Variants in ARID3B observed in about 807,000 individuals in gnomAD.
ARID3B encodes AT-rich interactive domain-containing protein 3B.
ARID3B carries 10 observed loss-of-function variants against 51.9 expected under a neutral mutation model. That is an observed-to-expected ratio of 0.19 (90% CI 0.12 to 0.33). The LOEUF (loss-of-function observed/expected upper bound fraction) is 0.33, where lower values mean the gene tolerates loss of function less well. Among genes scored for constraint, ARID3B ranks in the 10% least tolerant of loss-of-function variants. The pLI is 1.00. For missense variants in ARID3B, 483 were observed against 716.3 expected (o/e 0.67, Z 3.72); for synonymous variants, 205 against 279.5 (o/e 0.73, Z 2.66).
chr15:74,591,086 A>G lies in ARID3B; in HGVS notation c.882-65A>G. On this transcript the variant is annotated intron_variant, in intron 5 of 8. Coordinates refer to ENST00000346246, the MANE Select transcript of ARID3B (RefSeq NM_006465.4). The surrounding 1 kb of genome is among the most constrained non-coding windows in gnomAD (Gnocchi z 5.8). ...AGAGACTGCTTCCAGAGACCCACCA[A>G]CCTCAACTGGGTGGTCTCTGGTGCT... 6.6e-7 allele frequency: 1 copy of G among 1,526,014 alleles called. No homozygotes were observed. Among genetic ancestry groups the G allele is most frequent in the Non-Finnish European group, 8.8e-7 (1 of 1,134,118 alleles). The allele number at this position is 1,526,014 out of a possible 1,614,324, so 94.5% of individuals were successfully genotyped here. A position where few individuals can be genotyped will look rare whatever the true frequency, so the allele number is the denominator to read the frequency against.
intron 4 of ARID3B, among the ~76,000 whole-genome samples, chr15:74,576,722 G>A (rs1421124256): frequency 1.3e-5 from 2 of 152,168 alleles, no homozygotes; most frequent in African/African-American, 2.4e-5. Flanking sequence ...AGAGCAAGCC[G>A]TGTTAGGTAG....
intron 4 of ARID3B, among the ~76,000 whole-genome samples, chr15:74,583,198 T>TA (rs879449215): frequency 2.2e-4 from 32 of 145,972 alleles, no homozygotes; most frequent in South Asian, 6.5e-4. Context: ...AGACTCCACC[T>TA]AAAAAAAAAA....
At chr15:74,592,810 G>A (rs2061808762) in intron 7 of ARID3B, among the ~76,000 whole-genome samples, 1 of 152,226 alleles carries the variant, frequency 6.6e-6, no homozygotes, top group South Asian at 2.1e-4. Context: ...TCCTGGGCCT[G>A]GTGTATAGTG....
At chr15:74,555,002 C>T (rs2061652285) in intron 2 of ARID3B, among the ~76,000 whole-genome samples, 1 of 152,014 alleles carries the variant, frequency 6.6e-6, no homozygotes, top group African/African-American at 2.4e-5. Flanking sequence ...TGAATGTTCC[C>T]AGCACAAAGA....
At chr15:74,588,481 C>T (rs764530852) in intron 4 of ARID3B, among the ~76,000 whole-genome samples, 6 of 152,094 alleles carry the variant, frequency 3.9e-5, no homozygotes, top group South Asian at 4.2e-4. Flanking sequence ...GAGACCTCAG[C>T]GAGACTGGGG....
intron 4 of ARID3B, among the ~76,000 whole-genome samples, chr15:74,583,493 G>A (rs896997541): frequency 2.2e-4 from 34 of 152,044 alleles, no homozygotes; most frequent in African/African-American, 7.0e-4. Context: ...TGAGGCAGGC[G>A]GATCATCTGT....
At chr15:74,578,174 T>TTG (rs1245775951) in intron 4 of ARID3B, among the ~76,000 whole-genome samples, 4 of 150,534 alleles carry the variant, frequency 2.7e-5, no homozygotes, top group Non-Finnish European at 5.9e-5. Flanking sequence ...TTTTTGTTTT[T>TTG]TTTTGTTTTT....
In ARID3B at chr15:74,591,951, G is replaced by A; in HGVS notation, c.1420+137G>A. The A allele has an allele frequency of 3.6e-6, 5 of 1,378,570 alleles. No individual in the cohort carries two copies. Among genetic ancestry groups the A allele is most frequent in the Non-Finnish European group, 4.9e-6 (5 of 1,025,954 alleles). The allele number at this position is 1,378,570 out of a possible 1,614,324, so 85.4% of individuals were successfully genotyped here. A position where few individuals can be genotyped will look rare whatever the true frequency, so the allele number is the denominator to read the frequency against. ...GGCCCCTCCAGGTTCTGCCTTCCAG[G>A]CCCCTAGAAGAGAGGCACTGAGATC... On this transcript the variant is annotated intron_variant, in intron 7 of 8. Transcript: ENST00000346246. This position sits in a 1 kb window ranked among gnomAD's most constrained non-coding sequence, Gnocchi z 5.8.
intron 2 of ARID3B, among the ~76,000 whole-genome samples, chr15:74,571,431 C>G (rs961750299): frequency 9.9e-5 from 15 of 152,206 alleles, no homozygotes; most frequent in African/African-American, 3.6e-4. Flanking sequence ...CACCTGTGGT[C>G]CTGTGGGAGA....
intron 7 of ARID3B, among the ~76,000 whole-genome samples, chr15:74,592,295 C>T (rs901304540): frequency 2.6e-5 from 4 of 152,234 alleles, no homozygotes; most frequent in Admixed American, 2.0e-4. Context: ...GCATAATTGA[C>T]ATCCTTTCCC....
chr15:74,547,128 C>A lies in ARID3B; in HGVS notation c.552+2640C>A, dbSNP rs1370618631. ...CTTGCTCCAGCAACAATTACAAAGACCTTTACAATTGACACAGATCTTTCC... is the reference window on the plus strand; with the variant it reads ...CTTGCTCCAGCAACAATTACAAAGAACTTTACAATTGACACAGATCTTTCC... On this transcript the variant is annotated intron_variant, in intron 2 of 8. Transcript: ENST00000346246. 2.6e-5 allele frequency among the ~76,000 whole-genome samples: 4 copies of A among 152,058 alleles called. No individual in the cohort carries two copies. The South Asian group carries it at 8.3e-4, about 32-fold the overall frequency.
At chr15:74,566,257 AAT>A (rs1310849882) in intron 2 of ARID3B, among the ~76,000 whole-genome samples, 1 of 152,116 alleles carries the variant, frequency 6.6e-6, no homozygotes, top group African/African-American at 2.4e-5. Flanking sequence ...GGGCATTAAA[AAT>A]ATTTTTGATT....
intron 4 of ARID3B, among the ~76,000 whole-genome samples, chr15:74,588,890 T>G (rs939457863): frequency 6.6e-6 from 1 of 151,534 alleles, no homozygotes; most frequent in African/African-American, 2.4e-5. Context: ...GAGAATTGAG[T>G]GGCTTTTCAT....
intron 4 of ARID3B, among the ~76,000 whole-genome samples, chr15:74,584,690 C>T (rs1309705005): frequency 6.6e-6 from 1 of 152,236 alleles, no homozygotes; most frequent in African/African-American, 2.4e-5. Flanking sequence ...GCCCTCACCC[C>T]TATCCCCAGC....
intron 4 of ARID3B, among the ~76,000 whole-genome samples, chr15:74,580,465 A>G (rs1016107233): frequency 6.6e-5 from 10 of 152,212 alleles, no homozygotes; most frequent in African/African-American, 2.4e-4. Flanking sequence ...TTCATTAAAG[A>G]GTCAGGATGA....
At chr15:74,573,451 C>G in intron 4 of ARID3B, 2 of 541,230 alleles carry the variant, frequency 3.7e-6, no homozygotes, top group South Asian at 4.3e-5. Flanking sequence ...GTCTCTTCTT[C>G]CAATTGACTG....
At chr15:74,575,016 AAAAG>A (rs2061732670) in intron 4 of ARID3B, 1 of 151,820 alleles carries the variant, frequency 6.6e-6, no homozygotes, top group African/African-American at 2.4e-5. Flanking sequence ...AAAAAAAAAA[AAAAG>A]AATATAATCC....
chr15:74,591,034 A>T lies in ARID3B; in HGVS notation c.882-117A>T. ...TTCTGCCAAGTATACCAAGGTTGCA[A>T]TCCTTTGCCCTAGAGTCCTGCCCAA... On this transcript the variant is annotated intron_variant, in intron 5 of 8. Coordinates refer to ENST00000346246, the MANE Select transcript of ARID3B (RefSeq NM_006465.4). This position sits in a 1 kb window ranked among gnomAD's most constrained non-coding sequence, Gnocchi z 5.8. The T allele has an allele frequency of 1.4e-6, 2 of 1,471,138 alleles. No homozygotes were observed. The highest frequency in any genetic ancestry group is 9.1e-7 in the Non-Finnish European group (1 of 1,099,706). The allele number at this position is 1,471,138 out of a possible 1,614,324, so 91.1% of individuals were successfully genotyped here. A position where few individuals can be genotyped will look rare whatever the true frequency, so the allele number is the denominator to read the frequency against.
At chr15:74,593,402 CTG>C (rs1366584341) in intron 8 of ARID3B, among the ~76,000 whole-genome samples, 166 bp downstream of exon 8, 3 of 152,222 alleles carry the variant, frequency 2.0e-5, no homozygotes, top group African/African-American at 4.8e-5. Flanking sequence ...GACTAGTAGA[CTG>C]TGGATTGTTA....
Sources: gnomAD v4.1 joint callset for allele counts (sites outside exome capture counted in the v4.1 genomes callset) on GRCh38, gnomAD v4.1.1 for gene constraint, Gnocchi (gnomAD v3.1) non-coding constraint, MANE v1.5 for transcripts, NCBI Gene and HGNC (gene_info 2026-07-23, HGNC 2026-07-21) for gene names.